AKAP6: variants seen among roughly 807,000 people sequenced by gnomAD.
AKAP6 encodes the protein A-kinase anchor protein 6.
A neutral mutation model predicts 188.5 loss-of-function variants in AKAP6; 58 were observed. The ratio of observed to expected loss-of-function variants is 0.31; its 90% CI spans 0.25 to 0.38. AKAP6 has a LOEUF of 0.38. Ranked by LOEUF, AKAP6 falls within the 10% of genes least tolerant of loss-of-function variation. The pLI, the probability that AKAP6 is intolerant of heterozygous loss-of-function variation, is 1.00. For missense variants in AKAP6, 2,710 were observed against 2,740.0 expected, an observed-to-expected ratio of 0.99 and a Z score of 0.24; for synonymous variants, 989 against 998.6, an observed-to-expected ratio of 0.99 and a Z score of 0.18.
intron 2 of AKAP6, among the ~76,000 whole-genome samples, chr14:32,511,297 T>G (rs1390903981): frequency 6.6e-6 from 1 of 152,060 alleles, no homozygotes; most frequent in Non-Finnish European, 1.5e-5. Context: ...AGAGGCAAGA[T>G]CTTTCTTGTT....
At chr14:32,694,561 A>G (rs886833275) in intron 8 of AKAP6, among the ~76,000 whole-genome samples, 5 of 152,226 alleles carry the variant, frequency 3.3e-5, no homozygotes. Flanking sequence ...GGTTTTAACT[A>G]CATCAACTAT....
At chr14:32,775,104 CAG>C (rs1205577728) in intron 12 of AKAP6, among the ~76,000 whole-genome samples, 6 of 152,166 alleles carry the variant, frequency 3.9e-5, no homozygotes, top group Non-Finnish European at 5.9e-5. Flanking sequence ...TACTAGTAAT[CAG>C]AGTCAACATA....
In AKAP6 at chr14:32,538,547, C is replaced by A. The variant is rs1882785792; in HGVS notation, c.576+2742C>A. The stretch of plus-strand genomic sequence containing the variant: ...TTCTTTATTTAAATATGGAGCAGAC[C>A]ATATCTAGTAAAAAAAAATTGGCCA... On this transcript the variant is annotated intron_variant, in intron 3 of 13. Transcript: ENST00000280979. Among the ~76,000 whole-genome samples the A allele has an allele frequency of 2.7e-5, 4 of 148,196 alleles. No individual in the cohort carries two copies. In the South Asian group the frequency reaches 8.5e-4, roughly 31 times the overall value.
At chr14:32,503,222 T>TA (rs1880694375) in intron 2 of AKAP6, among the ~76,000 whole-genome samples, 1 of 152,150 alleles carries the variant, frequency 6.6e-6, no homozygotes, top group South Asian at 2.1e-4. Flanking sequence ...TCATTTGTGT[T>TA]ACTTGTTCTA....
intron 1 of AKAP6, among the ~76,000 whole-genome samples, chr14:32,401,066 C>T (rs1889076051): frequency 1.3e-5 from 2 of 152,108 alleles, no homozygotes; most frequent in East Asian, 3.9e-4. Flanking sequence ...TTCCTCTGGA[C>T]ATTGTCATGT....
intron 8 of AKAP6, among the ~76,000 whole-genome samples, chr14:32,691,565 C>CT (rs1259287387): frequency 6.6e-6 from 1 of 151,876 alleles, no homozygotes; most frequent in African/African-American, 2.4e-5. Flanking sequence ...TGATTTGCCA[C>CT]TGTTTTTTTT....
rs1208053856 is a variant in AKAP6 at position 32,835,339 on chromosome 14, T to G, written c.*5534T>G. The stretch of plus-strand genomic sequence containing the variant: ...TTTCATATTACCTTAAAAAATAAAG[T>G]GCACTTAAAGATTGTTTCACATCCA... On this transcript the variant is annotated 3_prime_UTR_variant, in exon 14 of 14. Coordinates refer to ENST00000280979, the MANE Select transcript of AKAP6 (RefSeq NM_004274.5). 1 of 152,146 alleles carries G rather than the reference T, an allele frequency of 6.6e-6. No homozygotes were observed. The highest frequency in any genetic ancestry group is 1.5e-5 in the Non-Finnish European group (1 of 68,036). The allele number at this position is 152,146 out of a possible 1,614,324, so 9.4% of individuals were successfully genotyped here. A position where few individuals can be genotyped will look rare whatever the true frequency, so the allele number is the denominator to read the frequency against.
chr14:32,789,100 C>A (rs1384456387), intron 12 of AKAP6, among the ~76,000 whole-genome samples: 1 of 152,088 alleles, frequency 6.6e-6, no homozygotes, highest in African/African-American at 2.4e-5. Context: ...GGCTGCCTTG[C>A]CAGATTATGG....
At position 32,823,405 on chromosome 14, in the gene AKAP6, G is replaced by A. The variant is rs1594986569; in HGVS notation, c.5592G>A (p.Lys1864=). 1.2e-6 allele frequency: 2 copies of A among 1,613,710 alleles called. No individual in the cohort carries two copies. Among genetic ancestry groups the A allele is most frequent in the Middle Eastern group, 1.7e-4 (1 of 6,056 alleles). Residue 1864 remains lysine (K), a synonymous_variant, in exon 13 of 14, where the codon AAG becomes AAA. Transcript: ENST00000280979. ...TCTCTGAAAATAATGGAAATGGTAA[G>A]AATTCATCTCATACCCATGAGTTAG... The part of the protein sequence containing the change: ...KRVSENNGNG[K]NSSHTHELGT...
chr14:32,574,540 G>A (rs1490576997), intron 4 of AKAP6, among the ~76,000 whole-genome samples: 1 of 152,092 alleles, frequency 6.6e-6, no homozygotes, highest in Non-Finnish European at 1.5e-5. Context: ...TACACACACA[G>A]GTTATTTGTG....
At chr14:32,489,605 T>TA (rs1358501172) in intron 2 of AKAP6, among the ~76,000 whole-genome samples, 6 of 152,110 alleles carry the variant, frequency 3.9e-5, no homozygotes, top group African/African-American at 1.4e-4. Context: ...TTACCTAGAT[T>TA]AAAAAACAAA....
chr14:32,516,635 C>T (rs1376342116), intron 2 of AKAP6, among the ~76,000 whole-genome samples: 1 of 152,146 alleles, frequency 6.6e-6, no homozygotes, highest in Non-Finnish European at 1.5e-5. Flanking sequence ...TCTTCTAATT[C>T]TATTACCACA....
chr14:32,648,147 C>T (rs1020916845), intron 7 of AKAP6, among the ~76,000 whole-genome samples: 3 of 152,042 alleles, frequency 2.0e-5, no homozygotes, highest in Admixed American at 6.6e-5. Flanking sequence ...CAATTTCCAG[C>T]TATGCATTAA....
At chr14:32,397,602 T>C (rs959483675) in intron 1 of AKAP6, among the ~76,000 whole-genome samples, 6 of 152,160 alleles carry the variant, frequency 3.9e-5, no homozygotes, top group Non-Finnish European at 5.9e-5. Flanking sequence ...ATGACTTGAA[T>C]ATCTTTATTC....
intron 12 of AKAP6, among the ~76,000 whole-genome samples, chr14:32,790,320 T>G (rs1387925939): frequency 6.6e-6 from 1 of 152,120 alleles, no homozygotes; most frequent in Non-Finnish European, 1.5e-5. Context: ...CCAGGAGAAC[T>G]TCCCCAACCT....
At chr14:32,548,079 C>T (rs540299821) in intron 4 of AKAP6, among the ~76,000 whole-genome samples, 9 of 147,944 alleles carry the variant, frequency 6.1e-5, no homozygotes, top group East Asian at 2.0e-4. Flanking sequence ...TGGTATGCAA[C>T]GCTCTCCCAC....
rs183426105 is a variant in AKAP6 at position 32,831,532 on chromosome 14, C to T, written c.*1727C>T. ...AATGACAATCATTCAACAGATAGTTCAGAAACACTTTTTATCTGCAAGGCA... is the reference window on the plus strand; with the variant it reads ...AATGACAATCATTCAACAGATAGTTTAGAAACACTTTTTATCTGCAAGGCA... On this transcript the variant is annotated 3_prime_UTR_variant, in exon 14 of 14. Transcript: ENST00000280979. 5.8e-4 allele frequency: 88 copies of T among 152,270 alleles called. No homozygotes were observed. Among genetic ancestry groups the T allele is most frequent in the African/African-American group, 2.0e-3 (82 of 41,548 alleles). 9.4% of individuals were successfully genotyped at this position (152,270 alleles called of 1,614,324 possible).
intron 7 of AKAP6, among the ~76,000 whole-genome samples, chr14:32,606,192 A>G (rs1471785674): frequency 2.6e-5 from 4 of 152,178 alleles, no homozygotes; most frequent in African/African-American, 9.6e-5. Flanking sequence ...GCTTATAATT[A>G]TATATTTTTA....
chr14:32,329,839 T>C (rs946688921), intron 1 of AKAP6, among the ~76,000 whole-genome samples: 2 of 152,102 alleles, frequency 1.3e-5, no homozygotes, highest in Non-Finnish European at 2.9e-5. Flanking sequence ...AAATTCATTA[T>C]TTACCTCGGT....
Sources: gnomAD v4.1 joint callset for allele counts (sites outside exome capture counted in the v4.1 genomes callset) on GRCh38, gnomAD v4.1.1 for gene constraint, MANE v1.5 for transcripts, NCBI Gene and HGNC (gene_info 2026-07-23, HGNC 2026-07-21) for gene names.